GRID2: variants seen among roughly 807,000 people sequenced by gnomAD.
The protein encoded by GRID2 is glutamate ionotropic receptor delta type subunit 2, also known as glutamate receptor ionotropic, delta-2.
GRID2 carries 33 observed loss-of-function variants against 114.8 expected under a neutral mutation model. The ratio of observed to expected loss-of-function variants is 0.29; its 90% CI spans 0.22 to 0.38. The LOEUF is 0.38. Ranked by LOEUF, GRID2 falls within the 10% of genes least tolerant of loss-of-function variation. The pLI is 1.00. For synonymous variants in GRID2, 505 were observed against 449.9 expected (o/e 1.12, Z -1.55); for missense variants, 1,184 against 1,257.7 (o/e 0.94, Z 0.89).
At chr4:92,917,059 C>T (rs1345608217) in intron 2 of GRID2, among the ~76,000 whole-genome samples, 2 of 152,184 alleles carry the variant, frequency 1.3e-5, no homozygotes, top group Non-Finnish European at 2.9e-5. Context: ...ACCATTCTAA[C>T]TGGTGTGAGA....
At chr4:93,634,608 C>T (rs946872326) in intron 14 of GRID2, among the ~76,000 whole-genome samples, 6 of 152,048 alleles carry the variant, frequency 3.9e-5, no homozygotes, top group Admixed American at 2.0e-4. Flanking sequence ...GGTTGAAGCT[C>T]GTGTCCTTAT....
In GRID2 at chr4:92,343,582, AT is replaced by A. The variant is rs528357680; in HGVS notation, c.88+38839del. 4.8e-3 allele frequency among the ~76,000 whole-genome samples: 728 copies of A among 152,152 alleles called. 8 individuals are homozygous for A. Among genetic ancestry groups the A allele is most frequent in the African/African-American group, 0.017 (686 of 41,520 alleles). On this transcript the variant is annotated intron_variant, in intron 1 of 15. Coordinates refer to ENST00000282020, the MANE Select transcript of GRID2 (RefSeq NM_001510.4). ...TTAAATATATGTGTTTATATTATATATATATTTGGAGATGGAGTTTTGCTCT... is the reference window on the plus strand; with the variant it reads ...TTAAATATATGTGTTTATATTATATAATATTTGGAGATGGAGTTTTGCTCT...
chr4:93,137,711 A>G (rs1403709591), intron 4 of GRID2, among the ~76,000 whole-genome samples: 2 of 152,150 alleles, frequency 1.3e-5, no homozygotes, highest in African/African-American at 4.8e-5. Flanking sequence ...TTTCATCTCC[A>G]TGAAACTGAA....
intron 1 of GRID2, among the ~76,000 whole-genome samples, chr4:92,456,674 G>C (rs12647190): frequency 0.16 from 24,950 of 152,050 alleles, 2,500 homozygotes; most frequent in Middle Eastern, 0.25. Context: ...GGATCTATAT[G>C]ATATGACAGT....
intron 2 of GRID2, among the ~76,000 whole-genome samples, chr4:93,018,797 T>A (rs2149242921): frequency 1.3e-5 from 2 of 152,214 alleles, no homozygotes; most frequent in Middle Eastern, 6.8e-3. Context: ...TCCAGCAAAG[T>A]GGTATCATAT....
chr4:93,727,595 G>T (rs567107960), intron 14 of GRID2, among the ~76,000 whole-genome samples: 9 of 152,100 alleles, frequency 5.9e-5, no homozygotes, highest in African/African-American at 2.2e-4. Context: ...GGTAGAATTC[G>T]GCTGTGAATC....
At chr4:93,335,026 T>C (rs764378441) in intron 8 of GRID2, among the ~76,000 whole-genome samples, 2 of 150,572 alleles carry the variant, frequency 1.3e-5, no homozygotes, top group Non-Finnish European at 3.0e-5. Flanking sequence ...TATGTACTAA[T>C]ATACTAATTT....
intron 14 of GRID2, among the ~76,000 whole-genome samples, chr4:93,722,218 T>A (rs1729442404): frequency 6.6e-6 from 1 of 152,046 alleles, no homozygotes. Flanking sequence ...GCCCGGCCAA[T>A]AAGTTGTTAA....
chr4:92,832,926 C>T (rs528347354), intron 2 of GRID2, among the ~76,000 whole-genome samples: 11 of 152,084 alleles, frequency 7.2e-5, no homozygotes, highest in South Asian at 6.2e-4. Flanking sequence ...AGAAATAAGA[C>T]GTTAATTAGG....
intron 8 of GRID2, among the ~76,000 whole-genome samples, chr4:93,350,738 C>T (rs558700732): frequency 6.6e-6 from 1 of 152,134 alleles, no homozygotes; most frequent in East Asian, 1.9e-4. Flanking sequence ...TGTAAAGCAT[C>T]ATACCTAGTA....
intron 2 of GRID2, among the ~76,000 whole-genome samples, chr4:92,631,848 A>G (rs536265865): frequency 2.0e-5 from 3 of 152,262 alleles, no homozygotes; most frequent in East Asian, 1.9e-4. Flanking sequence ...GAAACTGTTG[A>G]TAAAAGAACA....
intron 4 of GRID2, among the ~76,000 whole-genome samples, chr4:93,195,133 G>A (rs1280798279): frequency 1.3e-5 from 2 of 151,998 alleles, no homozygotes; most frequent in Admixed American, 1.3e-4. Flanking sequence ...TTAACTATAG[G>A]ACTACTCCCC....
intron 14 of GRID2, among the ~76,000 whole-genome samples, chr4:93,686,480 T>C (rs1233408724): frequency 6.7e-6 from 1 of 150,198 alleles, no homozygotes; most frequent in African/African-American, 2.5e-5. Context: ...GATATAGAAG[T>C]AAACAGACGA....
intron 9 of GRID2, among the ~76,000 whole-genome samples, chr4:93,416,130 T>C (rs1004571088): frequency 2.0e-5 from 3 of 152,048 alleles, no homozygotes; most frequent in African/African-American, 7.2e-5. Flanking sequence ...ACACCTGGAT[T>C]GTTTCTTCCT....
intron 2 of GRID2, among the ~76,000 whole-genome samples, chr4:92,838,453 A>G (rs1159026151): frequency 2.0e-5 from 3 of 152,116 alleles, no homozygotes; most frequent in South Asian, 2.1e-4. Flanking sequence ...TCTCTGTACT[A>G]TATACAGTAT....
At chr4:92,884,451 C>G (rs1183170564) in intron 2 of GRID2, among the ~76,000 whole-genome samples, 2 of 152,194 alleles carry the variant, frequency 1.3e-5, no homozygotes, top group Non-Finnish European at 2.9e-5. Context: ...TCCTCTACAA[C>G]ACAACTTGGC....
chr4:92,979,727 T>G (rs1235818614), intron 2 of GRID2, among the ~76,000 whole-genome samples: 1 of 152,180 alleles, frequency 6.6e-6, no homozygotes, highest in Non-Finnish European at 1.5e-5. Flanking sequence ...GTTCTGCATT[T>G]TCAACTACAA....
intron 1 of GRID2, among the ~76,000 whole-genome samples, chr4:92,489,344 T>C (rs62310671): frequency 0.02 from 3,102 of 152,260 alleles, 45 homozygotes; most frequent in Non-Finnish European, 0.033. Flanking sequence ...ATCAAAATTA[T>C]ATAATTAGAT....
intron 1 of GRID2, among the ~76,000 whole-genome samples, chr4:92,586,524 G>GT (rs931144232): frequency 1.3e-5 from 2 of 151,918 alleles, no homozygotes; most frequent in Non-Finnish European, 2.9e-5. Flanking sequence ...ACATAATTAT[G>GT]TTTTTTTAAC....
Sources: allele counts gnomAD v4.1 joint callset (sites outside exome capture counted in the v4.1 genomes callset), GRCh38; gene constraint gnomAD v4.1.1; transcripts MANE v1.5; gene names NCBI Gene and HGNC (gene_info 2026-07-23, HGNC 2026-07-21).